The following LOC128462377 variants were observed in gnomAD, a reference collection of about 807,000 sequenced individuals.
chr16:89,388,012 C>CA, the LOC128462377 span, among the ~76,000 whole-genome samples: 9,245 of 93,850 alleles, frequency 0.099, 379 homozygotes, highest in Non-Finnish European at 0.14. Flanking sequence ...GACTCCATCT[C>CA]AAAAAAAAAA....
chr16:89,381,354 A>AAAAAAGG, the LOC128462377 span, among the ~76,000 whole-genome samples: 1 of 125,346 alleles, frequency 8.0e-6, no homozygotes, highest in African/African-American at 3.3e-5. Flanking sequence ...AAAAAAAAAA[A>AAAAAAGG]GGGGTGAGAA....
the LOC128462377 span, among the ~76,000 whole-genome samples, chr16:89,346,844 C>T: frequency 2.6e-5 from 4 of 152,104 alleles, no homozygotes; most frequent in East Asian, 1.9e-4. Context: ...GAGAAATGTA[C>T]AAACATAAAC....
chr16:89,335,129 C>A, the LOC128462377 span, among the ~76,000 whole-genome samples: 1 of 152,194 alleles, frequency 6.6e-6, no homozygotes, highest in Non-Finnish European at 1.5e-5. Flanking sequence ...TCAGGACACA[C>A]CCTGATGCCC....
chr16:89,366,598 CAG>C, the LOC128462377 span, among the ~76,000 whole-genome samples: 3 of 152,230 alleles, frequency 2.0e-5, no homozygotes, highest in African/African-American at 7.2e-5. Context: ...CTGAAATCAG[CAG>C]ACTCTTGTTG....
chr16:89,403,694 C>G, the LOC128462377 span: 3 of 152,228 alleles, frequency 2.0e-5, no homozygotes, highest in Non-Finnish European at 4.4e-5. Context: ...ACTCAAGAGG[C>G]TGAGGCAGGA....
chr16:89,397,758 TTC>T, the LOC128462377 span, among the ~76,000 whole-genome samples: 2 of 152,350 alleles, frequency 1.3e-5, no homozygotes, highest in African/African-American at 4.8e-5. Context: ...TCTGAGCATC[TTC>T]TGATTGACAG....
chr16:89,338,133 C>CA, the LOC128462377 span, among the ~76,000 whole-genome samples: 1 of 152,234 alleles, frequency 6.6e-6, no homozygotes, highest in African/African-American at 2.4e-5. Flanking sequence ...GTCAGGCTCC[C>CA]AGGACACTGC....
the LOC128462377 span, among the ~76,000 whole-genome samples, chr16:89,357,413 G>C: frequency 6.6e-6 from 1 of 152,152 alleles, no homozygotes; most frequent in African/African-American, 2.4e-5. Context: ...CTCGTGCATT[G>C]CTGGTGGGAA....
the LOC128462377 span, chr16:89,403,606 G>A: frequency 6.6e-6 from 1 of 152,062 alleles, no homozygotes; most frequent in South Asian, 2.1e-4. Flanking sequence ...TTACATAAAA[G>A]CCCTGCTGCC....
the LOC128462377 span, among the ~76,000 whole-genome samples, chr16:89,376,332 T>C: frequency 1.3e-5 from 2 of 152,186 alleles, no homozygotes; most frequent in Non-Finnish European, 2.9e-5. Context: ...TTTAACAATG[T>C]CAAGATAACA....
the LOC128462377 span, among the ~76,000 whole-genome samples, chr16:89,339,310 C>T: frequency 6.6e-6 from 1 of 152,196 alleles, no homozygotes; most frequent in African/African-American, 2.4e-5. Context: ...CTCAGTACAA[C>T]CAAAGGAGTA....
chr16:89,339,275 C>T, the LOC128462377 span, among the ~76,000 whole-genome samples: 10 of 152,188 alleles, frequency 6.6e-5, no homozygotes, highest in Admixed American at 4.6e-4. Flanking sequence ...GGCAATAGAA[C>T]GACCTAGAGA....
chr16:89,395,043 A>G, the LOC128462377 span, among the ~76,000 whole-genome samples: 2 of 152,226 alleles, frequency 1.3e-5, no homozygotes, highest in Non-Finnish European at 2.9e-5. Flanking sequence ...ATCATCTTAA[A>G]AGTTCTGCAG....
At chr16:89,418,273 T>A in the LOC128462377 span, 1 of 453,928 alleles carries the variant, frequency 2.2e-6, no homozygotes, top group Non-Finnish European at 4.4e-6. Flanking sequence ...GAGAATGCAG[T>A]GAGTATTTAC....
chr16:89,397,599 G>C, the LOC128462377 span, among the ~76,000 whole-genome samples: 1 of 152,216 alleles, frequency 6.6e-6, no homozygotes, highest in African/African-American at 2.4e-5. Context: ...CATGGCAAGG[G>C]GCCCACCTGC....
chr16:89,405,412 C>G, the LOC128462377 span, among the ~76,000 whole-genome samples: 1 of 151,872 alleles, frequency 6.6e-6, no homozygotes, highest in Non-Finnish European at 1.5e-5. Context: ...TAGCCTCGAC[C>G]TCCTGGGCTC....
At chr16:89,399,737 T>C in the LOC128462377 span, among the ~76,000 whole-genome samples, 2 of 152,262 alleles carry the variant, frequency 1.3e-5, no homozygotes, top group African/African-American at 4.8e-5. Flanking sequence ...AGCCCAGGGG[T>C]GCGGGGGAAC....
chr16:89,350,406 G>T, the LOC128462377 span, among the ~76,000 whole-genome samples: 2 of 152,060 alleles, frequency 1.3e-5, no homozygotes, highest in African/African-American at 4.8e-5. Flanking sequence ...CTAAAACTAG[G>T]AAACAACGGA....
At chr16:89,395,485 C>A in the LOC128462377 span, among the ~76,000 whole-genome samples, 1 of 152,208 alleles carries the variant, frequency 6.6e-6, no homozygotes. Flanking sequence ...TGTGAGCATG[C>A]GCCCAGGAAC....
Sources: gnomAD v4.1 joint callset for allele counts (sites outside exome capture counted in the v4.1 genomes callset) on GRCh38, gnomAD v4.1.1 for gene constraint, MANE v1.5 for transcripts.